The following OPN1SW variants were observed in gnomAD, a reference collection of about 807,000 sequenced individuals.
OPN1SW encodes opsin 1, short wave sensitive.
In OPN1SW, 25 loss-of-function variants were observed where a neutral mutation model predicts 31.9. The ratio of observed to expected loss-of-function variants is 0.78; its 90% CI spans 0.57 to 1.09. The LOEUF (loss-of-function observed/expected upper bound fraction) is 1.09. Ranked by LOEUF, OPN1SW falls within the 50% of genes least tolerant of loss-of-function variation. OPN1SW has a pLI of 0.00. For missense variants in OPN1SW, 424 were observed against 448.0 expected, an observed-to-expected ratio of 0.95 and a Z score of 0.48; for synonymous variants, 190 against 171.9, an observed-to-expected ratio of 1.11 and a Z score of -0.82.
chr7:128,775,281 C>CA, intron 1 of OPN1SW, 127 bp from the exon 2 acceptor site: 1 of 1,294,108 alleles, frequency 7.7e-7, no homozygotes, highest in Non-Finnish European at 1.1e-6. Flanking sequence ...AGTGAAGACT[C>CA]AAACATCCTA....
rs1177482969 is a variant in OPN1SW, at chr7:128,775,326, C to T, written c.343+113G>A. The T allele has an allele frequency of 3.1e-6, 4 of 1,309,596 alleles. No homozygotes were observed. In the African/African-American group the frequency reaches 5.9e-5, roughly 19 times the overall value. 81.1% of individuals were successfully genotyped at this position (1,309,596 alleles called of 1,614,324 possible). The stretch of plus-strand genomic sequence containing the variant: ...AACTTCTAGTCTGGGTTGCTTTGTA[C>T]CCCAGTATTTTAAAAAGCACCAGAC... On this transcript the variant is annotated intron_variant, in intron 1 of 4. Transcript: ENST00000249389.
In OPN1SW at chr7:128,774,633, A is replaced by G. The variant is rs1389927658; in HGVS notation, c.543T>C (p.Cys181=). The G allele has an allele frequency of 3.7e-6, 6 of 1,614,148 alleles. No individual in the cohort carries two copies. In the East Asian group the frequency reaches 1.1e-4, roughly 30 times the overall value. The change falls in exon 3 of 5, where the codon TGT becomes TGC. Residue 181 remains cysteine (C), a synonymous_variant. Transcript: ENST00000249389. ...TGCCCACGGTGTACCAGTCAGGGCC[A>G]CAGGAACACTGCAGGCCCTCAGGGA... The part of the protein sequence containing the change: ...RFIPEGLQCS[C]GPDWYTVGTK...
chr7:128,774,843 C>G, intron 2 of OPN1SW, 143 bp downstream of exon 2: 2 of 1,323,916 alleles, frequency 1.5e-6, no homozygotes, highest in Non-Finnish European at 2.1e-6. Flanking sequence ...AACGTTAGCA[C>G]TTGTCTCCCA....
At position 128,775,013 on chromosome 7, in the gene OPN1SW, G is replaced by C. The variant is rs1303623293; in HGVS notation, c.485C>G (p.Ser162Cys). 3 of 1,614,198 alleles carry C rather than the reference G, an allele frequency of 1.9e-6. No individual in the cohort carries two copies. In the South Asian group the frequency reaches 3.3e-5, roughly 18 times the overall value. Residue 162 changes from serine (S) to cysteine (C), a missense_variant, in exon 2 of 5, where the codon TCC (serine) becomes TGC (cysteine). Ser to Cys is a moderately radical substitution (Grantham distance 112). Transcript: ENST00000249389. The part of the protein sequence containing the change: ...LATWTIGIGV[S>C]IPPFFGWSRF... Reference sequence around the variant, plus strand: ...GCTCCAGCCAAAGAAGGGTGGGATGGAGACGCCAATACCAATGGTCCAGGT... The same window carrying C: ...GCTCCAGCCAAAGAAGGGTGGGATGCAGACGCCAATACCAATGGTCCAGGT...
Position 128,774,479 on chromosome 7 carries a change from A to T in OPN1SW, c.678+19T>A. On this transcript the variant is annotated intron_variant, in intron 3 of 4. Transcript: ENST00000249389. The stretch of plus-strand genomic sequence containing the variant: ...GGAGCCCCGAACCCCTTCTTCCCTG[A>T]CTATCAAATGCCACTCACAGCTTTC... The T allele has an allele frequency of 1.9e-6, 3 of 1,613,330 alleles. No individual in the cohort carries two copies. Among genetic ancestry groups the T allele is most frequent in the Non-Finnish European group, 2.5e-6 (3 of 1,180,008 alleles).
Position 128,774,997 on chromosome 7 carries a change from AAAG to A in OPN1SW, c.498_500del (p.Phe167del). ...CCCTGCACTCTCACCGGCTCCAGCC[AAAG>A]AAGGGTGGGATGGAGACGCCAATAC... On this transcript the variant is annotated inframe_deletion, in exon 2 of 5. Coordinates refer to ENST00000249389, the MANE Select transcript of OPN1SW (RefSeq NM_001385125.1). 1.2e-6 allele frequency: 2 copies of A among 1,614,142 alleles called. No individual in the cohort carries two copies. The highest frequency in any genetic ancestry group is 1.7e-6 in the Non-Finnish European group (2 of 1,180,034).
chr7:128,775,102 G>A lies in OPN1SW; in HGVS notation c.396C>T (p.Val132=). The A allele has an allele frequency of 4.3e-6, 7 of 1,614,230 alleles. No homozygotes were observed. The highest frequency in any genetic ancestry group is 5.9e-6 in the Non-Finnish European group (7 of 1,180,050). The change falls in exon 2 of 5, where the codon GTC becomes GTT. Residue 132 remains valine (V), a synonymous_variant. Transcript: ENST00000249389. ...GGAAGTTGCCGAAGGGCTTACAGAT[G>A]ACAATGTAGCGCTCAAAGGCCAGGA... is the stretch of plus-strand genomic sequence containing the variant. ...LAFLAFERYI[V]ICKPFGNFRF... is the part of the protein sequence containing the mutation.
intron 1 of OPN1SW, 36 bp downstream of exon 1, chr7:128,775,403 T>G (rs1801739121): frequency 6.3e-7 from 1 of 1,588,040 alleles, no homozygotes; most frequent in Non-Finnish European, 8.6e-7. Context: ...AGTAGCAACC[T>G]TTGCCTTCCC....
intron 2 of OPN1SW, 39 bp downstream of exon 2, chr7:128,774,947 G>C: frequency 5.0e-6 from 8 of 1,612,462 alleles, no homozygotes; most frequent in Non-Finnish European, 6.8e-6. Flanking sequence ...ATCAACCTGA[G>C]CTCCTAGTTA....
Position 128,772,486 on chromosome 7 carries a change from TAC to T in OPN1SW, c.*52_*53del. The T allele has an allele frequency of 6.2e-7, 1 of 1,610,364 alleles. No homozygotes were observed. Among genetic ancestry groups the T allele is most frequent in the East Asian group, 2.2e-5 (1 of 44,822 alleles). ...GTTTCTGACGGAGACAATAGAAACT[TAC>T]TTAAAAGTAAAATTTAATTCTAGCT... On this transcript the variant is annotated 3_prime_UTR_variant, in exon 5 of 5. Transcript: ENST00000249389.
At chr7:128,772,721 C>G (rs1007417450) in intron 4 of OPN1SW, 62 bp from the exon 5 acceptor site, 50 of 1,607,836 alleles carry the variant, frequency 3.1e-5, no homozygotes, top group Non-Finnish European at 4.1e-5. Flanking sequence ...GAAAAAAGAC[C>G]TTATTCTCTG....
In OPN1SW at chr7:128,775,084, G is replaced by A; in HGVS notation, c.414C>T (p.Gly138=). The A allele has an allele frequency of 6.2e-7, 1 of 1,614,218 alleles. No individual in the cohort carries two copies. Among genetic ancestry groups the A allele is most frequent in the Non-Finnish European group, 8.5e-7 (1 of 1,180,042 alleles). The change falls in exon 2 of 5, where the codon GGC becomes GGT. Residue 138 remains glycine, a synonymous_variant. Transcript: ENST00000249389. Reference sequence around the variant, plus strand: ...CATGCTTGGAGCTGAAGCGGAAGTTGCCGAAGGGCTTACAGATGACAATGT... The same window carrying A: ...CATGCTTGGAGCTGAAGCGGAAGTTACCGAAGGGCTTACAGATGACAATGT... ...ERYIVICKPF[G]NFRFSSKHAL... is the part of the protein sequence containing the mutation.
In OPN1SW at chr7:128,774,974, C is replaced by T. The variant is rs1022672907; in HGVS notation, c.512+12G>A. The T allele has an allele frequency of 1.9e-6, 3 of 1,613,786 alleles. No homozygotes were observed. In the African/African-American group the frequency reaches 4.0e-5, roughly 22 times the overall value. On this transcript the variant is annotated intron_variant, in intron 2 of 4. Coordinates refer to ENST00000249389, the MANE Select transcript of OPN1SW (RefSeq NM_001385125.1). Reference sequence around the variant, plus strand: ...TCCTAGTTAACTCAGCACCACTGCCCTGCACTCTCACCGGCTCCAGCCAAA... The same window carrying T: ...TCCTAGTTAACTCAGCACCACTGCCTTGCACTCTCACCGGCTCCAGCCAAA...
intron 2 of OPN1SW, 92 bp from the exon 3 acceptor site, chr7:128,774,755 C>T (rs763894322): frequency 2.7e-5 from 42 of 1,553,350 alleles, no homozygotes; most frequent in Non-Finnish European, 3.5e-5. Flanking sequence ...TTAGAACCCA[C>T]GGAATGCCCT....
At chr7:128,775,250 C>G (rs1459159523) in intron 1 of OPN1SW, 96 bp from the exon 2 acceptor site, 7 of 1,390,780 alleles carry the variant, frequency 5.0e-6, no homozygotes, top group Non-Finnish European at 3.0e-6. Context: ...CACAGAGAGA[C>G]AGGGCTGGAC....
rs1233845973 is a variant in OPN1SW, at chr7:128,775,540, C to G, written c.242G>C (p.Cys81Ser). The G allele has an allele frequency of 4.3e-6, 7 of 1,613,944 alleles. No homozygotes were observed. The highest frequency in any genetic ancestry group is 5.9e-6 in the Non-Finnish European group (7 of 1,180,002). Reference sequence around the variant, plus strand: ...GAAGACAGGGAAGACAGAGAAGATGCAGAGGAGGAAGCCTCCGAAGGACAC... The same window carrying G: ...GAAGACAGGGAAGACAGAGAAGATGGAGAGGAGGAAGCCTCCGAAGGACAC... The part of the protein sequence containing the change: ...VNVSFGGFLL[C>S]IFSVFPVFVA... Residue 81 changes from cysteine (C) to serine (S), a missense_variant, in exon 1 of 5, where the codon TGC (cysteine) becomes TCC (serine). By Grantham distance (112) the Cys-to-Ser change is moderately radical. Transcript: ENST00000249389.
intron 4 of OPN1SW, among the ~76,000 whole-genome samples, chr7:128,772,902 C>A (rs764287739): frequency 4.9e-4 from 74 of 152,154 alleles, no homozygotes; most frequent in Non-Finnish European, 9.3e-4. Context: ...ATTCACAAAC[C>A]ATCCTGCTTC....
At position 128,772,505 on chromosome 7, in the gene OPN1SW, A is replaced by C; in HGVS notation, c.*35T>G. 1.2e-6 allele frequency: 2 copies of C among 1,613,792 alleles called. No individual in the cohort carries two copies. Among genetic ancestry groups the C allele is most frequent in the Non-Finnish European group, 1.7e-6 (2 of 1,179,710 alleles). On this transcript the variant is annotated 3_prime_UTR_variant, in exon 5 of 5. Transcript: ENST00000249389. ...GAAACTTACTTAAAAGTAAAATTTA[A>C]TTCTAGCTGTTGCAAACAGGCCAAT...
In OPN1SW at chr7:128,774,533, A is replaced by G. The variant is rs1801714566; in HGVS notation, c.643T>C (p.Phe215Leu). 6.2e-7 allele frequency: 1 copy of G among 1,613,970 alleles called. No individual in the cohort carries two copies. Among genetic ancestry groups the G allele is most frequent in the African/African-American group, 1.3e-5 (1 of 74,922 alleles). The change falls in exon 3 of 5, where the codon TTC (phenylalanine) becomes CTC (leucine). Residue 215 changes from phenylalanine to leucine, a missense_variant. Phe to Leu is a conservative substitution (Grantham distance 22). Coordinates refer to ENST00000249389, the MANE Select transcript of OPN1SW (RefSeq NM_001385125.1). ...GCCCTCAGCAGCTGAGTGTAGGAGAAGCAGATGAGGGAGAGAGGCACAATG... is the reference window on the plus strand; with the variant it reads ...GCCCTCAGCAGCTGAGTGTAGGAGAGGCAGATGAGGGAGAGAGGCACAATG... ...CFIVPLSLIC[F>L]SYTQLLRALK...
Sources: allele counts gnomAD v4.1 joint callset (sites outside exome capture counted in the v4.1 genomes callset), GRCh38; gene constraint gnomAD v4.1.1; transcripts MANE v1.5; gene names NCBI Gene and HGNC (gene_info 2026-07-23, HGNC 2026-07-21).